Variants in TSPAN9 observed in about 807,000 individuals in gnomAD.
TSPAN9 encodes tetraspanin 9, also known as tetraspanin-9.
A neutral mutation model predicts 31.0 loss-of-function variants in TSPAN9; 16 were observed. That is an observed-to-expected ratio of 0.52 (90% CI 0.35 to 0.78). TSPAN9 has a LOEUF of 0.78. Ranked by LOEUF, TSPAN9 falls within the 30% of genes least tolerant of loss-of-function variation. The pLI, the probability that TSPAN9 is intolerant of heterozygous loss-of-function variation, is 0.01. For synonymous variants in TSPAN9, 145 were observed against 121.6 expected, an observed-to-expected ratio of 1.19 and a Z score of -1.27; for missense variants, 272 against 312.5, an observed-to-expected ratio of 0.87 and a Z score of 0.98.
At chr12:3,248,796 G>T (rs1411883289) in intron 3 of TSPAN9, among the ~76,000 whole-genome samples, 2 of 152,112 alleles carry the variant, frequency 1.3e-5, no homozygotes, top group African/African-American at 4.8e-5. Flanking sequence ...GCTACATCTG[G>T]TGTCTCCATA....
chr12:3,114,252 G>C (rs1196237521), intron 2 of TSPAN9, among the ~76,000 whole-genome samples: 1 of 152,132 alleles, frequency 6.6e-6, no homozygotes, highest in East Asian at 1.9e-4. Flanking sequence ...TGTATTTACG[G>C]ACATTGAAAT....
At chr12:3,144,013 A>G (rs2098336027) in intron 2 of TSPAN9, among the ~76,000 whole-genome samples, 1 of 152,236 alleles carries the variant, frequency 6.6e-6, no homozygotes, top group African/African-American at 2.4e-5. Flanking sequence ...AGGCATGGAC[A>G]CATATCTGTA....
chr12:3,258,900 C>T lies in TSPAN9; in HGVS notation c.64-19521C>T, dbSNP rs1483097459. 2.6e-5 allele frequency among the ~76,000 whole-genome samples: 4 copies of T among 152,172 alleles called. No individual in the cohort carries two copies. The East Asian group carries it at 7.7e-4, about 29-fold the overall frequency. ...TACATTGCCCCCCACTGTCTCTTGT[C>T]CTTAAGGTGGGATCCTGAGATGAGA... is the stretch of plus-strand genomic sequence containing the variant. On this transcript the variant is annotated intron_variant, in intron 3 of 8. Coordinates refer to ENST00000011898, the MANE Select transcript of TSPAN9 (RefSeq NM_006675.5).
At chr12:3,276,981 C>T (rs1162981372) in intron 3 of TSPAN9, among the ~76,000 whole-genome samples, 1 of 152,114 alleles carries the variant, frequency 6.6e-6, no homozygotes, top group African/African-American at 2.4e-5. Flanking sequence ...GGAACCAGAG[C>T]AGCTTGAGAG....
chr12:3,154,835 C>T (rs2098341437), intron 2 of TSPAN9, among the ~76,000 whole-genome samples: 1 of 152,230 alleles, frequency 6.6e-6, no homozygotes, highest in South Asian at 2.1e-4. Context: ...TCCATGACTG[C>T]CTGCATGCCC....
At chr12:3,086,892 C>T (rs1329534412) in intron 2 of TSPAN9, among the ~76,000 whole-genome samples, 1 of 152,224 alleles carries the variant, frequency 6.6e-6, no homozygotes, top group Non-Finnish European at 1.5e-5. Flanking sequence ...GCTGTGCGCA[C>T]ACTTGGAGGC....
intron 2 of TSPAN9, among the ~76,000 whole-genome samples, chr12:3,121,533 C>CTTTT (rs59376087): frequency 1.5e-3 from 140 of 92,892 alleles, no homozygotes; most frequent in East Asian, 2.4e-3. Context: ...CTAATTAAAA[C>CTTTT]TTTTTTTTTT....
rs115484107 is a variant in TSPAN9, at chr12:3,226,247, G to C, written c.63+24991G>C. On this transcript the variant is annotated intron_variant, in intron 3 of 8. Transcript: ENST00000011898. The stretch of plus-strand genomic sequence containing the variant: ...TATCCTCTAGTTGCACATAGCGGGA[G>C]AAACTCCTTTAAAGACCAGAGAAGA... Among the ~76,000 whole-genome samples, 664 of 152,270 alleles carry C rather than the reference G, an allele frequency of 4.4e-3. 7 individuals are homozygous for C. Among genetic ancestry groups the C allele is most frequent in the African/African-American group, 0.015 (622 of 41,536 alleles).
At chr12:3,113,396 C>T (rs773229258) in intron 2 of TSPAN9, among the ~76,000 whole-genome samples, 30 of 152,062 alleles carry the variant, frequency 2.0e-4, no homozygotes, top group East Asian at 3.9e-4. Flanking sequence ...TAGTGGGACC[C>T]GGCTCTGATC....
intron 3 of TSPAN9, among the ~76,000 whole-genome samples, chr12:3,265,424 C>T (rs1862520928): frequency 6.6e-6 from 1 of 152,176 alleles, no homozygotes; most frequent in African/African-American, 2.4e-5. Flanking sequence ...AAACAAATGG[C>T]AAAGCATTGT....
intron 2 of TSPAN9, among the ~76,000 whole-genome samples, chr12:3,118,226 A>G (rs1384352903): frequency 1.7e-5 from 2 of 119,032 alleles, no homozygotes; most frequent in East Asian, 6.1e-4. Flanking sequence ...TATCACATTT[A>G]CCTGATTCCG....
chr12:3,281,975 C>T, intron 8 of TSPAN9, 158 bp downstream of exon 8: 1 of 848,154 alleles, frequency 1.2e-6, no homozygotes, highest in Non-Finnish European at 2.0e-6. Context: ...ACCGTTTCCG[C>T]AGAGCTCTGA....
intron 2 of TSPAN9, chr12:3,173,342 T>C: frequency 6.6e-6 from 1 of 152,446 alleles, no homozygotes; most frequent in African/African-American, 2.4e-5. Flanking sequence ...GTCTCGCCTG[T>C]GCTATTTGCT....
At chr12:3,184,322 C>T (rs116698498) in intron 2 of TSPAN9, among the ~76,000 whole-genome samples, 4,219 of 151,820 alleles carry the variant, frequency 0.028, 205 homozygotes, top group African/African-American at 0.097. Context: ...CACTTGAACG[C>T]AGGAAGTGGA....
chr12:3,173,227 G>C (rs982122014), intron 2 of TSPAN9: 1 of 152,428 alleles, frequency 6.6e-6, no homozygotes, highest in African/African-American at 2.4e-5. Context: ...AAAGCCCAGA[G>C]TCTGTGTGGC....
chr12:3,279,142 T>C, intron 5 of TSPAN9, 76 bp downstream of exon 5: 4 of 1,329,320 alleles, frequency 3.0e-6, no homozygotes, highest in Non-Finnish European at 4.3e-6. Flanking sequence ...CCAGGGTCCC[T>C]TCCCTGGCCA....
At chr12:3,252,673 C>T (rs933129454) in intron 3 of TSPAN9, among the ~76,000 whole-genome samples, 2 of 152,238 alleles carry the variant, frequency 1.3e-5, no homozygotes, top group African/African-American at 4.8e-5. Context: ...TTTCACGGTG[C>T]GCAGCCAGAA....
chr12:3,127,544 A>G (rs924114832), intron 2 of TSPAN9, among the ~76,000 whole-genome samples: 1 of 151,820 alleles, frequency 6.6e-6, no homozygotes, highest in Non-Finnish European at 1.5e-5. Flanking sequence ...TTTAGTAGAG[A>G]TGGGGTTTCA....
chr12:3,164,847 A>G (rs2098347454), intron 2 of TSPAN9, among the ~76,000 whole-genome samples: 1 of 152,166 alleles, frequency 6.6e-6, no homozygotes, highest in Non-Finnish European at 1.5e-5. Context: ...AGTAAAGAGC[A>G]TTAGGGTGAG....
Sources: gnomAD v4.1 joint callset for allele counts (sites outside exome capture counted in the v4.1 genomes callset) on GRCh38, gnomAD v4.1.1 for gene constraint, MANE v1.5 for transcripts, NCBI Gene and HGNC (gene_info 2026-07-23, HGNC 2026-07-21) for gene names.